Variants in FCHSD2 observed in about 807,000 individuals in gnomAD.
The protein encoded by FCHSD2 is FCH and double SH3 domains 2, also known as F-BAR and double SH3 domains protein 2.
FCHSD2 carries 38 observed loss-of-function variants against 108.1 expected under a neutral mutation model. The ratio of observed to expected loss-of-function variants is 0.35; its 90% confidence interval spans 0.27 to 0.46. The LOEUF is 0.46. FCHSD2 is among the 20% of genes least tolerant of loss of function. The probability of loss-of-function intolerance (pLI) is 1.00; values close to 1 mark genes in which losing one functional copy is unlikely to be tolerated. For missense variants in FCHSD2, 751 were observed against 897.8 expected, an observed-to-expected ratio of 0.84 and a Z score of 2.09; for synonymous variants, 279 against 314.7, an observed-to-expected ratio of 0.89 and a Z score of 1.20.
At chr11:73,061,027 G>C (rs1238142736) in intron 3 of FCHSD2, among the ~76,000 whole-genome samples, 1 of 152,236 alleles carries the variant, frequency 6.6e-6, no homozygotes, top group East Asian at 1.9e-4. Context: ...TGGCAAGATG[G>C]CCAAATAGGA....
chr11:73,037,114 A>G (rs901199360), intron 3 of FCHSD2, among the ~76,000 whole-genome samples: 6 of 152,328 alleles, frequency 3.9e-5, no homozygotes, highest in Middle Eastern at 6.8e-3. Flanking sequence ...TTTTTTAAAA[A>G]TTACAGACTT....
At chr11:73,101,675 G>A (rs768974531) in intron 2 of FCHSD2, among the ~76,000 whole-genome samples, 3 of 151,862 alleles carry the variant, frequency 2.0e-5, no homozygotes, top group Non-Finnish European at 4.4e-5. Flanking sequence ...GACTTCAAAC[G>A]ATCCTCCCAC....
intron 12 of FCHSD2, among the ~76,000 whole-genome samples, chr11:72,879,761 G>A (rs528033852): frequency 1.3e-5 from 2 of 152,212 alleles, no homozygotes; most frequent in Admixed American, 6.5e-5. Context: ...AATGAGCTTT[G>A]CATATGACAT....
chr11:73,031,517 G>A (rs985729967), intron 3 of FCHSD2, among the ~76,000 whole-genome samples: 9 of 152,128 alleles, frequency 5.9e-5, no homozygotes, highest in African/African-American at 1.9e-4. Flanking sequence ...TGGTTACCAG[G>A]AACGGGGAGG....
chr11:73,054,735 G>A (rs1288033987), intron 3 of FCHSD2, among the ~76,000 whole-genome samples: 1 of 152,106 alleles, frequency 6.6e-6, no homozygotes, highest in Non-Finnish European at 1.5e-5. Context: ...AAGTGCAGTG[G>A]CACAATCATG....
chr11:73,042,171 C>T (rs534424731), intron 3 of FCHSD2, among the ~76,000 whole-genome samples: 1 of 152,274 alleles, frequency 6.6e-6, no homozygotes, highest in African/African-American at 2.4e-5. Flanking sequence ...AGGTGATCCA[C>T]CCACCTCAGC....
intron 2 of FCHSD2, among the ~76,000 whole-genome samples, chr11:73,115,220 A>C (rs950142238): frequency 1.3e-5 from 2 of 152,186 alleles, no homozygotes; most frequent in African/African-American, 4.8e-5. Context: ...ACTGAGTTCA[A>C]TGGAGGGTCT....
At chr11:72,909,648 C>G (rs1855711402) in intron 9 of FCHSD2, among the ~76,000 whole-genome samples, 1 of 151,064 alleles carries the variant, frequency 6.6e-6, no homozygotes, top group African/African-American at 2.4e-5. Context: ...TGGCCGGCCG[C>G]CACCCTGTCT....
intron 13 of FCHSD2, among the ~76,000 whole-genome samples, chr11:72,859,382 A>AC (rs1861512464): frequency 6.6e-6 from 1 of 152,094 alleles, no homozygotes; most frequent in Non-Finnish European, 1.5e-5. Context: ...ATTGACTGTC[A>AC]CCATATCACG....
intron 8 of FCHSD2, among the ~76,000 whole-genome samples, chr11:72,937,039 T>A (rs1856317482): frequency 6.6e-6 from 1 of 152,190 alleles, no homozygotes; most frequent in African/African-American, 2.4e-5. Flanking sequence ...AATAGCAGAT[T>A]TCTGCTCATC....
At chr11:72,906,272 C>G (rs7936855) in intron 9 of FCHSD2, among the ~76,000 whole-genome samples, 49 of 151,902 alleles carry the variant, frequency 3.2e-4, no homozygotes, top group Non-Finnish European at 6.0e-4. Context: ...TTTTTGATGG[C>G]GTTGTTTTTT....
chr11:73,012,213 T>C (rs1211320681), intron 4 of FCHSD2, among the ~76,000 whole-genome samples: 1 of 152,160 alleles, frequency 6.6e-6, no homozygotes, highest in Non-Finnish European at 1.5e-5. Flanking sequence ...GACCAGAACA[T>C]ACTGACATGA....
At position 72,908,556 on chromosome 11, in the gene FCHSD2, A is replaced by G. The variant is rs1461159011; in HGVS notation, c.829-5918T>C. Among the ~76,000 whole-genome samples the G allele has an allele frequency of 2.6e-5, 4 of 152,188 alleles. No individual in the cohort carries two copies. In the East Asian group the frequency reaches 7.7e-4, roughly 29 times the overall value. On this transcript the variant is annotated intron_variant, in intron 9 of 19. Coordinates refer to ENST00000409418, the MANE Select transcript of FCHSD2 (RefSeq NM_014824.3). Reference sequence around the variant, plus strand: ...CTCACCAGCATCTGTGTTACTGCCTATCTTTTGGATAAAAGCCACCTGAAC... The same window carrying G: ...CTCACCAGCATCTGTGTTACTGCCTGTCTTTTGGATAAAAGCCACCTGAAC...
intron 8 of FCHSD2, among the ~76,000 whole-genome samples, chr11:72,925,747 G>A (rs923451977): frequency 2.0e-5 from 3 of 151,816 alleles, no homozygotes; most frequent in Non-Finnish European, 4.4e-5. Flanking sequence ...CCATCATGCC[G>A]GCTAGAGCAG....
At chr11:72,940,938 C>T (rs967983080) in intron 8 of FCHSD2, 21 of 784,580 alleles carry the variant, frequency 2.7e-5, no homozygotes, top group Non-Finnish European at 3.9e-5. Flanking sequence ...GAAATCCTGA[C>T]ACCCAATGGA....
chr11:73,125,666 C>T (rs1860837632), intron 2 of FCHSD2, among the ~76,000 whole-genome samples: 1 of 151,822 alleles, frequency 6.6e-6, no homozygotes, highest in African/African-American at 2.4e-5. Context: ...GACCGCACCA[C>T]TATAACCTAG....
chr11:73,090,318 C>T (rs991518938), intron 2 of FCHSD2, among the ~76,000 whole-genome samples: 12 of 148,956 alleles, frequency 8.1e-5, no homozygotes, highest in East Asian at 5.9e-4. Context: ...CTCCACCTTC[C>T]GGGTTCACGC....
intron 4 of FCHSD2, among the ~76,000 whole-genome samples, chr11:73,011,070 C>A (rs1236905109): frequency 1.3e-5 from 2 of 152,068 alleles, no homozygotes; most frequent in Non-Finnish European, 2.9e-5. Context: ...GTAGAACCAA[C>A]CTCAGGCCCC....
chr11:72,910,111 A>C (rs1591389950), intron 9 of FCHSD2, among the ~76,000 whole-genome samples: 1 of 93,772 alleles, frequency 1.1e-5, no homozygotes, highest in African/African-American at 4.3e-5. Context: ...CCGGCCACCC[A>C]TCGTCTGGGA....
Sources: gnomAD v4.1 joint callset for allele counts (sites outside exome capture counted in the v4.1 genomes callset) on GRCh38, gnomAD v4.1.1 for gene constraint, MANE v1.5 for transcripts, NCBI Gene and HGNC (gene_info 2026-07-23, HGNC 2026-07-21) for gene names.